Variants in SPATS2L observed in about 807,000 individuals in gnomAD.
The protein encoded by SPATS2L is spermatogenesis associated serine rich 2 like, also known as SPATS2-like protein.
SPATS2L carries 30 observed loss-of-function variants against 59.6 expected under a neutral mutation model. The observed-to-expected ratio is 0.50, with a 90% CI of 0.38 to 0.68. The LOEUF is 0.68. Among genes scored for constraint, SPATS2L ranks in the 30% least tolerant of loss-of-function variants. The pLI, the probability that SPATS2L is intolerant of heterozygous loss-of-function variation, is 0.00. For missense variants in SPATS2L, 615 were observed against 700.0 expected (o/e 0.88, Z 1.37); for synonymous variants, 252 against 263.5 (o/e 0.96, Z 0.42).
chr2:200,415,978 T>C (rs1048684438), intron 4 of SPATS2L, among the ~76,000 whole-genome samples: 1 of 152,106 alleles, frequency 6.6e-6, no homozygotes, highest in Non-Finnish European at 1.5e-5. Flanking sequence ...GTGATTCACA[T>C]TGTTAATAAT....
intron 2 of SPATS2L, among the ~76,000 whole-genome samples, chr2:200,371,498 A>C (rs2105891988): frequency 6.6e-6 from 1 of 152,268 alleles, no homozygotes; most frequent in African/African-American, 2.4e-5. Flanking sequence ...CCCATTGTAG[A>C]ATATGTTTGA....
upstream of SPATS2L, chr2:200,306,321 G>A (rs1280916482): frequency 1.0e-5 from 10 of 1,002,268 alleles, no homozygotes; most frequent in Non-Finnish European, 1.2e-5. Flanking sequence ...CTTGCAACAC[G>A]TGCGGATTGT....
intron 8 of SPATS2L, among the ~76,000 whole-genome samples, chr2:200,447,067 C>A (rs2085097173): frequency 6.6e-6 from 1 of 152,200 alleles, no homozygotes; most frequent in Non-Finnish European, 1.5e-5. Context: ...TAATGATAGG[C>A]AGTCACTTTC....
At chr2:200,379,719 T>C (rs1192039168) in intron 2 of SPATS2L, among the ~76,000 whole-genome samples, 1 of 152,068 alleles carries the variant, frequency 6.6e-6, no homozygotes, top group Non-Finnish European at 1.5e-5. Flanking sequence ...AGCAGTGTGA[T>C]CTGCAGGGAG....
chr2:200,378,950 C>T (rs140936457), intron 2 of SPATS2L, among the ~76,000 whole-genome samples: 4 of 152,190 alleles, frequency 2.6e-5, no homozygotes, highest in Non-Finnish European at 5.9e-5. Context: ...CCCAGCCCCG[C>T]TAACAGCAAG....
At chr2:200,338,820 C>T (rs2080228317) in intron 2 of SPATS2L, among the ~76,000 whole-genome samples, 1 of 152,166 alleles carries the variant, frequency 6.6e-6, no homozygotes, top group African/African-American at 2.4e-5. Context: ...CTCTCAAAGC[C>T]AGACAGCTGT....
intron 9 of SPATS2L, among the ~76,000 whole-genome samples, chr2:200,466,904 T>G (rs1055805243): frequency 2.6e-5 from 4 of 152,244 alleles, no homozygotes; most frequent in Non-Finnish European, 5.9e-5. Context: ...TGATTTCTGC[T>G]TAGTAGACTT....
chr2:200,460,669 T>C (rs1171076257), intron 9 of SPATS2L, among the ~76,000 whole-genome samples: 1 of 150,986 alleles, frequency 6.6e-6, no homozygotes, highest in Non-Finnish European at 1.5e-5. Flanking sequence ...GAGAATGGTG[T>C]GAACCCGGGA....
intron 6 of SPATS2L, among the ~76,000 whole-genome samples, chr2:200,431,447 A>G (rs1346017695): frequency 1.3e-5 from 2 of 152,214 alleles, no homozygotes; most frequent in African/African-American, 2.4e-5. Flanking sequence ...ACAACAACAA[A>G]GTTATGCTTT....
In SPATS2L at chr2:200,472,910, C is replaced by A; in HGVS notation, c.1139C>A (p.Thr380Asn). The A allele has an allele frequency of 1.2e-6, 2 of 1,613,956 alleles. No individual in the cohort carries two copies. The highest frequency in any genetic ancestry group is 1.7e-6 in the Non-Finnish European group (2 of 1,179,894). Residue 380 changes from threonine to asparagine, a missense_variant, in exon 12 of 13, where the codon ACC (threonine) becomes AAC (asparagine). Around this residue, in one of 3 missense-constraint regions of SPATS2L, gnomAD observed 284 missense variants for 280.1 expected, o/e 1.01. Coordinates refer to ENST00000409140, the MANE Select transcript of SPATS2L (RefSeq NM_001100423.2). ...CCTCTGCTGAATGCGCACGCAGCAA[C>A]CTCTGGGAAACAGAGTAACTTTTCC... ...LLPLLNAHAATSGKQSNFSRK... is the reference protein window; with the variant it reads ...LLPLLNAHAANSGKQSNFSRK...
intron 9 of SPATS2L, among the ~76,000 whole-genome samples, chr2:200,466,468 C>T (rs1253508269): frequency 6.6e-6 from 1 of 152,234 alleles, no homozygotes; most frequent in Admixed American, 6.5e-5. Flanking sequence ...TTGGGAAACA[C>T]GTGTATACAC....
At chr2:200,426,216 A>T (rs55841260) in intron 6 of SPATS2L, among the ~76,000 whole-genome samples, 2 of 148,724 alleles carry the variant, frequency 1.3e-5, no homozygotes, top group East Asian at 4.0e-4. Flanking sequence ...TCAGCCTCCC[A>T]AGTAGCTGGG....
At chr2:200,435,303 G>T (rs985000301) in intron 6 of SPATS2L, among the ~76,000 whole-genome samples, 1 of 152,110 alleles carries the variant, frequency 6.6e-6, no homozygotes, top group Admixed American at 6.6e-5. Flanking sequence ...GAATGCTCAC[G>T]TAATAGTTAA....
chr2:200,412,003 G>A (rs552015070), intron 3 of SPATS2L, among the ~76,000 whole-genome samples: 1 of 152,166 alleles, frequency 6.6e-6, no homozygotes. Context: ...AACACATCTT[G>A]TATGCATCTG....
chr2:200,314,224 A>G (rs949652196), intron 1 of SPATS2L, among the ~76,000 whole-genome samples: 2 of 152,208 alleles, frequency 1.3e-5, no homozygotes. Context: ...TTCTATCTCA[A>G]TGAATGAAAC....
intron 3 of SPATS2L, among the ~76,000 whole-genome samples, chr2:200,393,952 T>C (rs1263834309): frequency 1.3e-5 from 2 of 152,214 alleles, no homozygotes; most frequent in African/African-American, 4.8e-5. Context: ...GGGTCCTCTA[T>C]TGGATGAATT....
chr2:200,479,915 C>T lies in SPATS2L; in HGVS notation c.*1884C>T. 1 of 396,572 alleles carries T rather than the reference C, an allele frequency of 2.5e-6. No individual in the cohort carries two copies. The highest frequency in any genetic ancestry group is 3.6e-5 in the East Asian group (1 of 28,020). 24.6% of individuals were successfully genotyped at this position (396,572 alleles called of 1,614,324 possible). A position where few individuals can be genotyped will look rare whatever the true frequency, so the allele number is the denominator to read the frequency against. ...AATAGAAATTCTTAACGTTAAGTCA[C>T]ATTCCAGGAAGGAAGGAAGAGTTGT... On this transcript the variant is annotated 3_prime_UTR_variant, in exon 13 of 13. Transcript: ENST00000409140.
At chr2:200,414,699 T>A (rs889701752) in intron 4 of SPATS2L, among the ~76,000 whole-genome samples, 8 of 151,428 alleles carry the variant, frequency 5.3e-5, no homozygotes, top group Admixed American at 6.6e-5. Context: ...TTGTTAGGAG[T>A]CATTTATGAG....
chr2:200,451,812 C>T (rs2085465883), intron 8 of SPATS2L, among the ~76,000 whole-genome samples: 1 of 149,622 alleles, frequency 6.7e-6, no homozygotes. Context: ...CTTCCCCTTG[C>T]CCCCACCGTT....
Sources: allele counts gnomAD v4.1 joint callset (sites outside exome capture counted in the v4.1 genomes callset), GRCh38; gene constraint gnomAD v4.1.1; regional missense constraint gnomAD v4.1.1; transcripts MANE v1.5; gene names NCBI Gene and HGNC (gene_info 2026-07-23, HGNC 2026-07-21).